KLF12: variants seen among roughly 807,000 people sequenced by gnomAD.
KLF12 encodes KLF transcription factor 12.
KLF12 carries 9 observed loss-of-function variants against 37.8 expected under a neutral mutation model. The observed-to-expected ratio is 0.24, with a 90% CI of 0.14 to 0.42. KLF12 has a LOEUF of 0.42. KLF12 is among the 10% of genes least tolerant of loss of function. The pLI is 1.00. For missense variants in KLF12, 411 were observed against 516.0 expected (o/e 0.80, Z 1.97); for synonymous variants, 208 against 202.1 (o/e 1.03, Z -0.25).
At chr13:74,206,460 T>C in the KLF12 span, among the ~76,000 whole-genome samples, 1 of 152,180 alleles carries the variant, frequency 6.6e-6, no homozygotes, top group Admixed American at 6.5e-5. Context: ...GCAACCACTT[T>C]TGAGTAGCCC....
chr13:73,726,242 C>T (rs1876661326), intron 6 of KLF12, among the ~76,000 whole-genome samples: 2 of 152,144 alleles, frequency 1.3e-5, no homozygotes, highest in Admixed American at 1.3e-4. Flanking sequence ...TCCAATACAT[C>T]CCCAGCACTT....
At chr13:73,853,351 T>C (rs909501260) in intron 3 of KLF12, among the ~76,000 whole-genome samples, 43 of 152,200 alleles carry the variant, frequency 2.8e-4, no homozygotes, top group African/African-American at 1.0e-3. Context: ...TACAGCTGAC[T>C]GCTACTCTGA....
chr13:73,767,891 AACCT>A (rs1361065268), intron 5 of KLF12, among the ~76,000 whole-genome samples: 2 of 152,134 alleles, frequency 1.3e-5, no homozygotes, highest in Non-Finnish European at 2.9e-5. Context: ...TGTTTTCATA[AACCT>A]ACCTGAGTGG....
chr13:74,110,816 C>G (rs1378232389), intron 1 of KLF12, among the ~76,000 whole-genome samples: 2 of 152,048 alleles, frequency 1.3e-5, no homozygotes, highest in Non-Finnish European at 2.9e-5. Context: ...GGTTTGTAAT[C>G]TGCAAATAGG....
At chr13:73,706,954 T>C (rs1566309188) in intron 7 of KLF12, among the ~76,000 whole-genome samples, 1 of 152,222 alleles carries the variant, frequency 6.6e-6, no homozygotes, top group African/African-American at 2.4e-5. Context: ...TAGTAGACTA[T>C]GGAGAAAGAC....
intron 5 of KLF12, among the ~76,000 whole-genome samples, chr13:73,766,877 T>C (rs931112759): frequency 6.6e-6 from 1 of 152,188 alleles, no homozygotes; most frequent in Non-Finnish European, 1.5e-5. Context: ...GGTATTTGTA[T>C]CTTTTAGGAA....
intron 1 of KLF12, among the ~76,000 whole-genome samples, chr13:74,063,965 AT>A (rs1394291269): frequency 1.3e-5 from 2 of 152,212 alleles, no homozygotes; most frequent in East Asian, 3.8e-4. Flanking sequence ...TGGACACAAA[AT>A]TTATGCCCAA....
chr13:74,042,541 G>A (rs1452700233), intron 1 of KLF12, among the ~76,000 whole-genome samples: 1 of 152,112 alleles, frequency 6.6e-6, no homozygotes, highest in African/African-American at 2.4e-5. Flanking sequence ...AACCAGAAGA[G>A]TATCTGCCTT....
At chr13:73,876,489 A>C (rs1386256082) in intron 3 of KLF12, among the ~76,000 whole-genome samples, 1 of 152,182 alleles carries the variant, frequency 6.6e-6, no homozygotes, top group African/African-American at 2.4e-5. Context: ...CACAGAAGTA[A>C]AATCCATCAA....
chr13:73,711,286 C>T (rs933019195), intron 7 of KLF12, among the ~76,000 whole-genome samples: 2 of 152,224 alleles, frequency 1.3e-5, no homozygotes, highest in Admixed American at 6.5e-5. Flanking sequence ...CTGATGAAGG[C>T]AGCCATACTA....
the KLF12 span, among the ~76,000 whole-genome samples, chr13:74,224,822 T>C: frequency 6.6e-6 from 1 of 152,168 alleles, no homozygotes; most frequent in African/African-American, 2.4e-5. Flanking sequence ...CATGCCAAAA[T>C]GTCAATTTAA....
At chr13:73,854,630 C>A (rs1885511585) in intron 3 of KLF12, among the ~76,000 whole-genome samples, 1 of 152,150 alleles carries the variant, frequency 6.6e-6, no homozygotes, top group Non-Finnish European at 1.5e-5. Context: ...GGATTGGTTC[C>A]AGGACCCCCC....
At chr13:73,927,287 A>T (rs117172605) in intron 3 of KLF12, among the ~76,000 whole-genome samples, 1 of 152,118 alleles carries the variant, frequency 6.6e-6, no homozygotes, top group Non-Finnish European at 1.5e-5. Context: ...CTCCTCCCCA[A>T]ATCAATACTA....
chr13:73,743,516 C>T (rs1463302519), intron 6 of KLF12, among the ~76,000 whole-genome samples: 1 of 152,136 alleles, frequency 6.6e-6, no homozygotes, highest in East Asian at 1.9e-4. Context: ...TATACAATTA[C>T]ATAACAAGTT....
chr13:74,197,496 C>A, the KLF12 span, among the ~76,000 whole-genome samples: 1 of 152,002 alleles, frequency 6.6e-6, no homozygotes, highest in Non-Finnish European at 1.5e-5. Flanking sequence ...CACACAGACA[C>A]ACTCACACAC....
intron 3 of KLF12, among the ~76,000 whole-genome samples, chr13:73,918,380 T>C (rs1888948772): frequency 1.3e-5 from 2 of 152,176 alleles, no homozygotes; most frequent in Admixed American, 1.3e-4. Flanking sequence ...TGTCTACTGC[T>C]CTCTCTTTTA....
At chr13:73,818,376 T>C (rs968801736) in intron 4 of KLF12, among the ~76,000 whole-genome samples, 1 of 152,248 alleles carries the variant, frequency 6.6e-6, no homozygotes, top group African/African-American at 2.4e-5. Context: ...GGGTTCTCAC[T>C]GGTGTATGGT....
chr13:74,134,253 G>A (rs1878441177), upstream of KLF12, among the ~76,000 whole-genome samples: 1 of 151,950 alleles, frequency 6.6e-6, no homozygotes, highest in African/African-American at 2.4e-5. Flanking sequence ...CAGAAACAAA[G>A]CCCCGCCGCT....
chr13:73,939,574 T>A (rs1890098919), intron 3 of KLF12, among the ~76,000 whole-genome samples: 1 of 152,200 alleles, frequency 6.6e-6, no homozygotes, highest in Non-Finnish European at 1.5e-5. Context: ...TTAACATAGA[T>A]GTTGAAATCT....
Sources: allele counts gnomAD v4.1 joint callset (sites outside exome capture counted in the v4.1 genomes callset), GRCh38; gene constraint gnomAD v4.1.1; transcripts MANE v1.5; gene names NCBI Gene and HGNC (gene_info 2026-07-23, HGNC 2026-07-21).